The following STKLD1 variants were observed in gnomAD, a reference collection of about 807,000 sequenced individuals.
STKLD1 encodes serine/threonine kinase-like domain-containing protein STKLD1.
Under a neutral mutation model 80.4 loss-of-function variants are expected in STKLD1, and 79 were observed. The observed-to-expected ratio is 0.98, with a 90% CI of 0.82 to 1.19. STKLD1 has a LOEUF of 1.19. Among genes scored for constraint, STKLD1 ranks in the 50% most tolerant of loss-of-function variants. The probability of loss-of-function intolerance (pLI) is 0.00; values close to 1 mark genes in which losing one functional copy is unlikely to be tolerated. For synonymous variants in STKLD1, 393 were observed against 357.6 expected (o/e 1.10, Z -1.12); for missense variants, 841 against 856.0 (o/e 0.98, Z 0.22).
At position 133,389,612 on chromosome 9, in the gene STKLD1, G is replaced by C. The variant is rs1838338381; in HGVS notation, c.467+16G>C. The C allele has an allele frequency of 6.2e-7, 1 of 1,613,266 alleles. No individual in the cohort carries two copies. Among genetic ancestry groups the C allele is most frequent in the Non-Finnish European group, 8.5e-7 (1 of 1,179,822 alleles). On this transcript the variant is annotated intron_variant, in intron 6 of 17. Coordinates refer to ENST00000371957, the MANE Select transcript of STKLD1 (RefSeq NM_153710.5). This position sits in a 1 kb window ranked among gnomAD's most constrained non-coding sequence, Gnocchi z 6.4. ...TCATCCACAGGTAAGTGGGGCCCCT[G>C]ACCTCTGCGGACTGGCTGGCTGCTT...
chr9:133,389,322 C>A lies in STKLD1; in HGVS notation c.397-204C>A, dbSNP rs1838331334. The A allele has an allele frequency of 6.1e-6, 6 of 985,208 alleles. 1 individual carries two copies. The South Asian group carries it at 2.8e-4, about 46-fold the overall frequency. 61.0% of individuals were successfully genotyped at this position (985,208 alleles called of 1,614,324 possible). ...AGTGTGGAGTCTGGAAACTCAGAGT[C>A]CTTCTGGCTGCCGCCGCGGCTTTAC... On this transcript the variant is annotated intron_variant, in intron 5 of 17. Coordinates refer to ENST00000371957, the MANE Select transcript of STKLD1 (RefSeq NM_153710.5). This position sits in a 1 kb window ranked among gnomAD's most constrained non-coding sequence, Gnocchi z 6.4.
chr9:133,404,877 C>A lies in STKLD1; in HGVS notation c.1821C>A (p.Asp607Glu), dbSNP rs1554778412. 2 of 1,613,220 alleles carry A rather than the reference C, an allele frequency of 1.2e-6. No homozygotes were observed. The highest frequency in any genetic ancestry group is 1.3e-5 in the African/African-American group (1 of 74,912). Reference sequence around the variant, plus strand: ...AGACCTACCAGCTCCACAGGGACGACCCGGAGGTGGTGGAGAACGTGGGCA... The same window carrying A: ...AGACCTACCAGCTCCACAGGGACGAACCGGAGGTGGTGGAGAACGTGGGCA... ...IKETYQLHRD[D>E]PEVVENVGML... The change falls in exon 17 of 18, where the codon GAC becomes GAA. Residue 607 changes from aspartate to glutamate, a missense_variant. By Grantham distance (45) the Asp-to-Glu change is conservative (BLOSUM62 2). Transcript: ENST00000371957.
intron 5 of STKLD1, chr9:133,388,621 C>A: frequency 2.4e-6 from 1 of 420,614 alleles, no homozygotes; most frequent in Non-Finnish European, 3.2e-6. Flanking sequence ...CCAATGCTGA[C>A]TCTTATGGTT....
intron 16 of STKLD1, among the ~76,000 whole-genome samples, chr9:133,404,581 G>T (rs371350478): frequency 6.6e-5 from 10 of 152,130 alleles, no homozygotes; most frequent in Non-Finnish European, 2.9e-5. Flanking sequence ...CTTTGGCTCT[G>T]GGGGGGCTGC....
At position 133,394,300 on chromosome 9, in the gene STKLD1, G is replaced by GT. The variant is rs782549216; in HGVS notation, c.594dup (p.Lys199Ter). 6.8e-6 allele frequency: 11 copies of GT among 1,613,076 alleles called. No homozygotes were observed. The African/African-American group carries it at 1.1e-4, about 16-fold the overall frequency. ...TTGCTTTTACCAACAGACCCCTTTC[G>GT]TAAGTCCTGGATGGCCCCTGAAGCC... On this transcript the variant is annotated frameshift_variant, in exon 8 of 18. Coordinates refer to ENST00000371957, the MANE Select transcript of STKLD1 (RefSeq NM_153710.5). LOFTEE classifies it high-confidence loss of function. The surrounding 1 kb of genome is among the most constrained non-coding windows in gnomAD (Gnocchi z 4.9).
intron 5 of STKLD1, chr9:133,388,660 C>T: frequency 1.2e-6 from 1 of 809,860 alleles, no homozygotes; most frequent in Non-Finnish European, 1.5e-6. Context: ...GAAGCATTTC[C>T]TGCTCCAAGA....
At chr9:133,402,050 C>T (rs994349275) in intron 13 of STKLD1, among the ~76,000 whole-genome samples, 172 bp downstream of exon 13, 4 of 152,194 alleles carry the variant, frequency 2.6e-5, no homozygotes, top group East Asian at 1.9e-4. Flanking sequence ...AAATGCTGGT[C>T]GCATCCTTTT....
Position 133,394,462 on chromosome 9 carries a change from G to C in STKLD1, c.702+53G>C. Reference sequence around the variant, plus strand: ...CACATGCTGTTCCCCACGCGCCCAGGCCTGGGGAAAAGGCTTGGCCTCACC... The same window carrying C: ...CACATGCTGTTCCCCACGCGCCCAGCCCTGGGGAAAAGGCTTGGCCTCACC... On this transcript the variant is annotated intron_variant, in intron 8 of 17. Transcript: ENST00000371957. This position sits in a 1 kb window ranked among gnomAD's most constrained non-coding sequence, Gnocchi z 4.9. 7.3e-7 allele frequency: 1 copy of C among 1,375,870 alleles called. No individual in the cohort carries two copies. The highest frequency in any genetic ancestry group is 1.0e-6 in the Non-Finnish European group (1 of 965,168). 85.2% of individuals were successfully genotyped at this position (1,375,870 alleles called of 1,614,324 possible).
chr9:133,405,446 T>A lies in STKLD1; in HGVS notation c.*25T>A. 6.3e-7 allele frequency: 1 copy of A among 1,578,696 alleles called. No individual in the cohort carries two copies. The highest frequency in any genetic ancestry group is 1.1e-5 in the South Asian group (1 of 88,536). On this transcript the variant is annotated 3_prime_UTR_variant, in exon 18 of 18. Coordinates refer to ENST00000371957, the MANE Select transcript of STKLD1 (RefSeq NM_153710.5). ...GATGTTTGTATGGAACTGACCTTGATCTCCACGTGTATAGTTTTCAAGACT... is the reference window on the plus strand; with the variant it reads ...GATGTTTGTATGGAACTGACCTTGAACTCCACGTGTATAGTTTTCAAGACT...
chr9:133,383,499 GTGATGGTGA>G lies in STKLD1; in HGVS notation c.175-341_175-333del, dbSNP rs1393835907. ...TGGTGGTGTGATGGTGATGATGGTG[GTGATGGTGA>G]TGATGGTGATGATGGCAGTGATGGT... is the stretch of plus-strand genomic sequence containing the variant. On this transcript the variant is annotated intron_variant, in intron 2 of 17. Transcript: ENST00000371957. Among the ~76,000 whole-genome samples the G allele has an allele frequency of 9.3e-4, 6 of 6,466 alleles. 1 individual carries two copies. The highest frequency in any genetic ancestry group is 4.5e-3 in the East Asian group (1 of 224). 4.2% of individuals were successfully genotyped at this position (6,466 alleles called of 152,430 possible).
Position 133,376,404 on chromosome 9 carries a change from G to GCGGGTCCCA in STKLD1, c.-68_-60dup. The GCGGGTCCCA allele has an allele frequency of 6.8e-7, 1 of 1,461,406 alleles. No individual in the cohort carries two copies. The highest frequency in any genetic ancestry group is 1.3e-5 in the South Asian group (1 of 75,026). 90.5% of individuals were successfully genotyped at this position (1,461,406 alleles called of 1,614,324 possible). A position where few individuals can be genotyped will look rare whatever the true frequency, so the allele number is the denominator to read the frequency against. ...GCGCCGTTCGGGCGGGGAGGATCCC[G>GCGGGTCCCA]CGGGTCCCACTGACCCACGCGGGGT... is the stretch of plus-strand genomic sequence containing the variant. On this transcript the variant is annotated 5_prime_UTR_variant, in exon 1 of 18. Transcript: ENST00000371957.
At chr9:133,400,309 C>T (rs35589751) in intron 11 of STKLD1, 104 bp from the exon 12 acceptor site, 18 of 787,100 alleles carry the variant, frequency 2.3e-5, no homozygotes, top group Non-Finnish European at 2.6e-5. Context: ...ATTCACCCAC[C>T]TAGGGCCCTG....
At chr9:133,396,772 CA>C (rs2130677380) in intron 9 of STKLD1, among the ~76,000 whole-genome samples, 1 of 152,136 alleles carries the variant, frequency 6.6e-6, no homozygotes, top group Non-Finnish European at 1.5e-5. Flanking sequence ...AAAACCCAAA[CA>C]AAACAAAACA....
At chr9:133,391,405 G>T (rs1490669520) in intron 7 of STKLD1, among the ~76,000 whole-genome samples, 1 of 151,384 alleles carries the variant, frequency 6.6e-6, no homozygotes, top group African/African-American at 2.4e-5. Flanking sequence ...TGGCAATGGC[G>T]GTTTTGTGGA....
intron 9 of STKLD1, among the ~76,000 whole-genome samples, chr9:133,396,772 C>T (rs1290302487): frequency 6.6e-6 from 1 of 152,018 alleles, no homozygotes; most frequent in Non-Finnish European, 1.5e-5. Flanking sequence ...AAAACCCAAA[C>T]AAAACAAAAC....
At position 133,397,912 on chromosome 9, in the gene STKLD1, A is replaced by T. The variant is rs1588752499; in HGVS notation, c.998-60A>T. 8 of 1,441,110 alleles carry T rather than the reference A, an allele frequency of 5.6e-6. No homozygotes were observed. In the East Asian group the frequency reaches 1.8e-4, roughly 33 times the overall value. The allele number at this position is 1,441,110 out of a possible 1,614,324, so 89.3% of individuals were successfully genotyped here. ...AGCCAGCCCAGTGTGGTGCCGAGAAACAGAGCCCCGAGGCCCTGGTCCTCA... is the reference window on the plus strand; with the variant it reads ...AGCCAGCCCAGTGTGGTGCCGAGAATCAGAGCCCCGAGGCCCTGGTCCTCA... On this transcript the variant is annotated intron_variant, in intron 10 of 17. Coordinates refer to ENST00000371957, the MANE Select transcript of STKLD1 (RefSeq NM_153710.5).
rs1554778602 is a variant in STKLD1 at position 133,405,687 on chromosome 9, G to A, written c.*266G>A. The A allele has an allele frequency of 6.2e-6, 2 of 324,170 alleles. No individual in the cohort carries two copies. The highest frequency in any genetic ancestry group is 1.1e-5 in the Non-Finnish European group (2 of 176,184). The allele number at this position is 324,170 out of a possible 1,614,324, so 20.1% of individuals were successfully genotyped here. ...TTTCTTGCGCGGAAAAAGTGCTCTTGAGGCTGGAGGCAGCCACCTCTCCCA... is the reference window on the plus strand; with the variant it reads ...TTTCTTGCGCGGAAAAAGTGCTCTTAAGGCTGGAGGCAGCCACCTCTCCCA... On this transcript the variant is annotated 3_prime_UTR_variant, in exon 18 of 18. Transcript: ENST00000371957.
At chr9:133,378,388 C>T (rs1838053647) in intron 1 of STKLD1, among the ~76,000 whole-genome samples, 1 of 152,206 alleles carries the variant, frequency 6.6e-6, no homozygotes, top group African/African-American at 2.4e-5. Context: ...AGCACTTGGT[C>T]TCTGCACAGA....
In STKLD1 at chr9:133,384,090, C is replaced by T. The variant is rs1838211872; in HGVS notation, c.219+190C>T. Reference sequence around the variant, plus strand: ...GAAGGGAGTCCATGCCCCAAACACTCACTGCTAAATGCAGGTGCCGACAAC... The same window carrying T: ...GAAGGGAGTCCATGCCCCAAACACTTACTGCTAAATGCAGGTGCCGACAAC... On this transcript the variant is annotated intron_variant, in intron 3 of 17. Transcript: ENST00000371957. The surrounding 1 kb of genome is among the most constrained non-coding windows in gnomAD (Gnocchi z 4.3). 1.7e-6 allele frequency: 1 copy of T among 597,660 alleles called. No individual in the cohort carries two copies. The highest frequency in any genetic ancestry group is 3.1e-5 in the Admixed American group (1 of 32,672). 37.0% of individuals were successfully genotyped at this position (597,660 alleles called of 1,614,324 possible).
Sources: allele counts gnomAD v4.1 joint callset (sites outside exome capture counted in the v4.1 genomes callset), GRCh38; gene constraint gnomAD v4.1.1; non-coding constraint Gnocchi (gnomAD v3.1); transcripts MANE v1.5; gene names NCBI Gene and HGNC (gene_info 2026-07-23, HGNC 2026-07-21).